The following IYD variants were observed in gnomAD, a reference collection of about 807,000 sequenced individuals.
IYD encodes the protein iodotyrosine deiodinase 1.
Under a neutral mutation model 28.4 loss-of-function variants are expected in IYD, and 25 were observed. The observed-to-expected ratio is 0.88, with a 90% CI of 0.64 to 1.23. The LOEUF (loss-of-function observed/expected upper bound fraction) is 1.23. Among genes scored for constraint, IYD ranks in the 50% most tolerant of loss-of-function variants. The probability of loss-of-function intolerance (pLI) is 0.00; values close to 1 mark genes in which losing one functional copy is unlikely to be tolerated. For missense variants in IYD, 352 were observed against 357.9 expected (o/e 0.98, Z 0.13); for synonymous variants, 140 against 130.8 (o/e 1.07, Z -0.48).
intron 1 of IYD, among the ~76,000 whole-genome samples, chr6:150,379,354 C>T (rs952747695): frequency 2.0e-5 from 3 of 152,208 alleles, no homozygotes; most frequent in Non-Finnish European, 2.9e-5. Flanking sequence ...ATGTCTACAG[C>T]GTCTGTATGG....
chr6:150,391,010 G>A (rs901933268), intron 2 of IYD, among the ~76,000 whole-genome samples: 7 of 152,094 alleles, frequency 4.6e-5, no homozygotes, highest in South Asian at 2.1e-4. Flanking sequence ...AGGCCGAGGC[G>A]AGCAGATCAC....
Position 150,401,370 on chromosome 6 carries a change from A to C in IYD, c.*3133A>C, listed in dbSNP as rs1778504028. ...AAGGCCAGAGGCTCACATTGCTTGCAGGGAACCGACTGAGTAATGAAGAAG... is the reference window on the plus strand; with the variant it reads ...AAGGCCAGAGGCTCACATTGCTTGCCGGGAACCGACTGAGTAATGAAGAAG... On this transcript the variant is annotated 3_prime_UTR_variant, in exon 5 of 5. Coordinates refer to ENST00000344419, the MANE Select transcript of IYD (RefSeq NM_203395.3). 1 of 152,198 alleles carries C rather than the reference A, an allele frequency of 6.6e-6. No homozygotes were observed. The highest frequency in any genetic ancestry group is 2.1e-4 in the South Asian group (1 of 4,824). The allele number at this position is 152,198 out of a possible 1,614,324, so 9.4% of individuals were successfully genotyped here. A position where few individuals can be genotyped will look rare whatever the true frequency, so the allele number is the denominator to read the frequency against.
At chr6:150,378,927 G>A (rs1335293674) in intron 1 of IYD, among the ~76,000 whole-genome samples, 1 of 152,178 alleles carries the variant, frequency 6.6e-6, no homozygotes, top group African/African-American at 2.4e-5. Flanking sequence ...TTAAGAAAAT[G>A]TGCCACTCTT....
rs796256258 is a variant in IYD, at chr6:150,386,735, A to G, written c.179-2617A>G. Among the ~76,000 whole-genome samples the G allele has an allele frequency of 1.8e-4, 27 of 152,304 alleles. 1 individual carries two copies. Among genetic ancestry groups the G allele is most frequent in the African/African-American group, 6.3e-4 (26 of 41,574 alleles). Reference sequence around the variant, plus strand: ...AAAATTATGTTTTCCCAGTAAATTAAATTGTATTATTATAAACTGACCCTT... The same window carrying G: ...AAAATTATGTTTTCCCAGTAAATTAGATTGTATTATTATAAACTGACCCTT... On this transcript the variant is annotated intron_variant, in intron 1 of 4. Transcript: ENST00000344419.
chr6:150,384,974 T>C (rs886246812), intron 1 of IYD: 11 of 152,182 alleles, frequency 7.2e-5, no homozygotes, highest in African/African-American at 2.2e-4. Context: ...TTGGCATTTT[T>C]AGCTCCAGTG....
At chr6:150,383,309 C>T (rs62432506) in intron 1 of IYD, among the ~76,000 whole-genome samples, 22,509 of 152,060 alleles carry the variant, frequency 0.15, 3,254 homozygotes, top group African/African-American at 0.36. Flanking sequence ...ATGGGTAGAC[C>T]TGGGATTTTG....
In IYD at chr6:150,369,897, G is replaced by C. The variant is rs566249658; in HGVS notation, c.178+688G>C. The stretch of plus-strand genomic sequence containing the variant: ...AGAAGCACCTGGAGGCCTGGGGCAG[G>C]GGTAAGAGAGGAAGTGGAGAATTGA... On this transcript the variant is annotated intron_variant, in intron 1 of 4. Transcript: ENST00000344419. The C allele has an allele frequency of 1.1e-3, 783 of 694,482 alleles. 14 individuals carry two copies. In the South Asian group the frequency reaches 0.011, roughly 10 times the overall value. 43.0% of individuals were successfully genotyped at this position (694,482 alleles called of 1,614,324 possible). A position where few individuals can be genotyped will look rare whatever the true frequency, so the allele number is the denominator to read the frequency against.
chr6:150,376,142 T>G (rs935655714), intron 1 of IYD, among the ~76,000 whole-genome samples: 1 of 152,118 alleles, frequency 6.6e-6, no homozygotes, highest in South Asian at 2.1e-4. Flanking sequence ...ATAAGGTGTA[T>G]TACCACTCCC....
At chr6:150,370,160 A>AGTGTGTGTGAGTGT (rs1777169011) in intron 1 of IYD, 1 of 652,598 alleles carries the variant, frequency 1.5e-6, no homozygotes, top group Non-Finnish European at 2.8e-6. Context: ...TGGACATGTG[A>AGTGTGTGTGAGTGT]GTGTGTGTGA....
At chr6:150,387,446 A>AT (rs1562316870) in intron 1 of IYD, among the ~76,000 whole-genome samples, 5 of 146,904 alleles carry the variant, frequency 3.4e-5, no homozygotes, top group African/African-American at 1.3e-4. Context: ...AAAAAAAAAA[A>AT]AAGAATTTAC....
chr6:150,398,630 A>C lies in IYD; in HGVS notation c.*393A>C. 1 of 175,044 alleles carries C rather than the reference A, an allele frequency of 5.7e-6. No homozygotes were observed. The allele number at this position is 175,044 out of a possible 1,614,324, so 10.8% of individuals were successfully genotyped here. On this transcript the variant is annotated 3_prime_UTR_variant, in exon 5 of 5. Coordinates refer to ENST00000344419, the MANE Select transcript of IYD (RefSeq NM_203395.3). Reference sequence around the variant, plus strand: ...TCGAATTTAAATTTAGATTAATCAAATGGTCTCCTGTTCTCTGATTTCTGG... The same window carrying C: ...TCGAATTTAAATTTAGATTAATCAACTGGTCTCCTGTTCTCTGATTTCTGG...
At chr6:150,381,064 G>A (rs961063633) in intron 1 of IYD, among the ~76,000 whole-genome samples, 6 of 152,178 alleles carry the variant, frequency 3.9e-5, no homozygotes, top group African/African-American at 1.4e-4. Context: ...GCAACAGGAA[G>A]TTTATTTTCC....
At chr6:150,397,583 A>C (rs546293643) in intron 4 of IYD, among the ~76,000 whole-genome samples, 1 of 116,276 alleles carries the variant, frequency 8.6e-6, no homozygotes, top group Non-Finnish European at 1.6e-5. Context: ...AAAAAAACAA[A>C]AAACAAAACC....
chr6:150,380,634 C>T (rs769811513), intron 1 of IYD, among the ~76,000 whole-genome samples: 2 of 152,222 alleles, frequency 1.3e-5, no homozygotes, highest in African/African-American at 2.4e-5. Flanking sequence ...CCCCACAGAA[C>T]CTGTGTCTAT....
intron 4 of IYD, chr6:150,396,114 C>G (rs1383881287): frequency 4.4e-6 from 1 of 227,940 alleles, no homozygotes; most frequent in Non-Finnish European, 8.5e-6. Context: ...TTTAAAATAT[C>G]TATAACAACT....
intron 4 of IYD, among the ~76,000 whole-genome samples, chr6:150,397,167 T>TATATATATGGGTTCATAA (rs1327168989): frequency 6.6e-6 from 1 of 152,168 alleles, no homozygotes; most frequent in African/African-American, 2.4e-5. Context: ...TATGGGTTCA[T>TATATATATGGGTTCATAA]ATATATATGG....
chr6:150,392,026 T>A (rs1778139256), intron 2 of IYD, among the ~76,000 whole-genome samples: 1 of 151,620 alleles, frequency 6.6e-6, no homozygotes, highest in Non-Finnish European at 1.5e-5. Context: ...AATTACTACG[T>A]TTATCCTTAA....
At chr6:150,380,315 C>T (rs1777601584) in intron 1 of IYD, among the ~76,000 whole-genome samples, 1 of 152,146 alleles carries the variant, frequency 6.6e-6, no homozygotes. Context: ...TAAAACACCA[C>T]AACTACCACT....
At chr6:150,388,995 C>T (rs949396748) in intron 1 of IYD, among the ~76,000 whole-genome samples, 7 of 152,066 alleles carry the variant, frequency 4.6e-5, no homozygotes, top group African/African-American at 1.7e-4. Context: ...AGCCACCACG[C>T]CCGGACTTTT....
Sources: gnomAD v4.1 joint callset for allele counts (sites outside exome capture counted in the v4.1 genomes callset) on GRCh38, gnomAD v4.1.1 for gene constraint, MANE v1.5 for transcripts, NCBI Gene and HGNC (gene_info 2026-07-23, HGNC 2026-07-21) for gene names.